The following AMOTL2 variants were observed in gnomAD, a reference collection of about 807,000 sequenced individuals.
The protein encoded by AMOTL2 is angiomotin-like protein 2.
A neutral mutation model predicts 78.4 loss-of-function variants in AMOTL2; 33 were observed. That is an observed-to-expected ratio of 0.42 (90% confidence interval 0.32 to 0.56). AMOTL2 has a LOEUF of 0.56. AMOTL2 is among the 20% of genes least tolerant of loss of function. The pLI is 0.12. For synonymous variants in AMOTL2, 422 were observed against 428.8 expected (o/e 0.98, Z 0.20); for missense variants, 983 against 1,030.1 (o/e 0.95, Z 0.63).
intron 6 of AMOTL2, among the ~76,000 whole-genome samples, chr3:134,360,647 A>G (rs1423036981): frequency 2.0e-5 from 3 of 152,232 alleles, no homozygotes; most frequent in African/African-American, 7.2e-5. Flanking sequence ...CAAACTGGCA[A>G]AGGGGGTGCT....
At chr3:134,366,623 G>A (rs1486290904) in intron 3 of AMOTL2, 196 bp from the exon 4 acceptor site, 3 of 557,950 alleles carry the variant, frequency 5.4e-6, no homozygotes, top group African/African-American at 3.8e-5. Flanking sequence ...GGACCAGCAA[G>A]CAACGGTCCC....
At position 134,370,817 on chromosome 3, in the gene AMOTL2, G is replaced by A. The variant is rs375201894; in HGVS notation, c.617C>T (p.Ser206Phe). 7.6e-6 allele frequency: 12 copies of A among 1,574,284 alleles called. No homozygotes were observed. In the African/African-American group the frequency reaches 1.1e-4, roughly 14 times the overall value. The change falls in exon 2 of 10, where the codon TCC (serine) becomes TTC (phenylalanine). Residue 206 changes from serine to phenylalanine, a missense_variant. Ser to Phe is a radical substitution (Grantham distance 155). Coordinates refer to ENST00000249883, the MANE Select transcript of AMOTL2 (RefSeq NM_016201.4). ...LRGPPAEGPESRGPPPQYPHV... is the reference protein window; with the variant it reads ...LRGPPAEGPEFRGPPPQYPHV... ...AGGGTACTGAGGTGGGGGTCCTCGG[G>A]ACTCTGGGCCCTCAGCAGGGGGGCC...
intron 4 of AMOTL2, 77 bp downstream of exon 4, chr3:134,366,206 C>A: frequency 6.5e-7 from 1 of 1,549,674 alleles, no homozygotes; most frequent in Non-Finnish European, 8.7e-7. Context: ...ATAGAGATTC[C>A]CAATTTTTCT....
Position 134,361,617 on chromosome 3 carries a change from C to T in AMOTL2, c.1470G>A (p.Gln490=). ...CTGCCTGCAGCTGCCCGAGCGCCTG[C>T]TGCAGCCGCTCCACTTTCTCCACAT... ...QAYVEKVERL[Q]QALGQLQAAC... is the part of the protein sequence containing the mutation. Residue 490 remains glutamine (Q), a synonymous_variant, in exon 6 of 10, where the codon CAG becomes CAA. Transcript: ENST00000249883. The T allele has an allele frequency of 6.2e-7, 1 of 1,613,014 alleles. No individual in the cohort carries two copies. Among genetic ancestry groups the T allele is most frequent in the Non-Finnish European group, 8.5e-7 (1 of 1,179,976 alleles).
At chr3:134,364,049 G>T (rs1576579494) in intron 5 of AMOTL2, among the ~76,000 whole-genome samples, 1 of 152,194 alleles carries the variant, frequency 6.6e-6, no homozygotes, top group African/African-American at 2.4e-5. Flanking sequence ...GAAGGCCAGC[G>T]GAGGAGGGCA....
intron 8 of AMOTL2, among the ~76,000 whole-genome samples, chr3:134,359,014 A>C (rs534205300): frequency 6.6e-6 from 1 of 152,278 alleles, no homozygotes; most frequent in South Asian, 2.1e-4. Flanking sequence ...GTGTATCTGC[A>C]CAGGAAGCTC....
chr3:134,359,054 A>G (rs1336663271), intron 8 of AMOTL2, among the ~76,000 whole-genome samples: 1 of 152,126 alleles, frequency 6.6e-6, no homozygotes, highest in Non-Finnish European at 1.5e-5. Flanking sequence ...GCTGGGGCTG[A>G]AGCATGATAG....
Position 134,360,250 on chromosome 3 carries a change from C to T in AMOTL2, c.1739G>A (p.Arg580Lys), listed in dbSNP as rs937594727. The change falls in exon 7 of 10, where the codon AGG becomes AAG. Residue 580 changes from arginine to lysine, a missense_variant. Arg to Lys is a conservative substitution (Grantham distance 26). Coordinates refer to ENST00000249883, the MANE Select transcript of AMOTL2 (RefSeq NM_016201.4). ...EQKYLEERAM[R>K]QFAMDAAATA... ...GGCAGCCGCATCCATGGCAAACTGC[C>T]TCATGGCACGTTCCTCCAAATACTT... 2 of 1,614,234 alleles carry T rather than the reference C, an allele frequency of 1.2e-6. No individual in the cohort carries two copies. Among genetic ancestry groups the T allele is most frequent in the Admixed American group, 1.7e-5 (1 of 60,032 alleles).
chr3:134,369,749 C>T (rs1314863940), intron 2 of AMOTL2, among the ~76,000 whole-genome samples: 1 of 152,214 alleles, frequency 6.6e-6, no homozygotes, highest in Non-Finnish European at 1.5e-5. Context: ...GAGGAAGAGT[C>T]TGAAATCCTT....
At chr3:134,360,533 C>A in intron 6 of AMOTL2, 120 bp from the exon 7 acceptor site, 1 of 862,632 alleles carries the variant, frequency 1.2e-6, no homozygotes, top group Non-Finnish European at 1.8e-6. Flanking sequence ...ACACAGCATA[C>A]ATTTCCCCAT....
chr3:134,366,474 G>C, intron 3 of AMOTL2, 47 bp from the exon 4 acceptor site: 1 of 1,580,484 alleles, frequency 6.3e-7, no homozygotes. Flanking sequence ...GAGCTCCCAG[G>C]GAGTGATTCG....
upstream of AMOTL2, chr3:134,374,960 A>G (rs1386364213): frequency 7.3e-7 from 1 of 1,364,322 alleles, no homozygotes; most frequent in Non-Finnish European, 9.5e-7. Context: ...TGGGAAAGGG[A>G]GGAGGGACTG....
At chr3:134,360,871 G>A (rs900313371) in intron 6 of AMOTL2, among the ~76,000 whole-genome samples, 2 of 152,216 alleles carry the variant, frequency 1.3e-5, no homozygotes, top group African/African-American at 2.4e-5. Flanking sequence ...ATCTTGGGGA[G>A]GCATATAAAA....
chr3:134,370,731 C>A lies in AMOTL2; in HGVS notation c.703G>T (p.Gly235Cys). 1 of 1,511,504 alleles carries A rather than the reference C, an allele frequency of 6.6e-7. No homozygotes were observed. The highest frequency in any genetic ancestry group is 8.8e-7 in the Non-Finnish European group (1 of 1,130,060). The allele number at this position is 1,511,504 out of a possible 1,614,324, so 93.6% of individuals were successfully genotyped here. The part of the protein sequence containing the change: ...AVTDPRYRAR[G>C]SPHFQHAEVR... ...TCAGCATGCTGGAAGTGCGGGCTGC[C>A]GCGGGCACGGTACCGTGGGTCAGTG... Residue 235 changes from glycine to cysteine, a missense_variant, in exon 2 of 10, where the codon GGC (glycine) becomes TGC (cysteine). By Grantham distance (159) the Gly-to-Cys change is radical (BLOSUM62 -3). Transcript: ENST00000249883.
chr3:134,370,129 C>T lies in AMOTL2; in HGVS notation c.734+571G>A, dbSNP rs888552209. 7.2e-5 allele frequency among the ~76,000 whole-genome samples: 11 copies of T among 152,324 alleles called. No individual in the cohort carries two copies. The South Asian group carries it at 2.3e-3, about 32-fold the overall frequency. On this transcript the variant is annotated intron_variant, in intron 2 of 9. Transcript: ENST00000249883. ...CACTTGGACCCAGAATCCTTTCCCA[C>T]TGCAGGCTGCAGACGCAGGGAGCAT...
At position 134,357,547 on chromosome 3, in the gene AMOTL2, C is replaced by CCT. The variant is rs557272594; in HGVS notation, c.*156_*157dup. 1,088 of 754,596 alleles carry CCT rather than the reference C, an allele frequency of 1.4e-3. 2 individuals carry two copies. The highest frequency in any genetic ancestry group is 1.8e-3 in the Non-Finnish European group (758 of 428,500). The allele number at this position is 754,596 out of a possible 1,614,324, so 46.7% of individuals were successfully genotyped here. On this transcript the variant is annotated 3_prime_UTR_variant, in exon 10 of 10. Transcript: ENST00000249883. ...TCACAGCTCTCCTCTCCCCTGGGGT[C>CCT]CTCCTCCTGAGCTCCTGGGACCAGA...
Position 134,360,178 on chromosome 3 carries a change from TG to T in AMOTL2, c.1810del (p.Gln604SerfsTer26). The T allele has an allele frequency of 1.2e-6, 2 of 1,614,012 alleles. No homozygotes were observed. The highest frequency in any genetic ancestry group is 1.7e-6 in the Non-Finnish European group (2 of 1,179,952). ...RDTTLIRHSP[Q>X]PSPSSSFNEG... ...ATTGAAGCTGCTGCTGGGTGAGGGC[TG>T]GGGGGAATGTCGGATGAGAGTGGTG... On this transcript the variant is annotated frameshift_variant, in exon 7 of 10. Transcript: ENST00000249883. LOFTEE classifies it high-confidence loss of function.
At chr3:134,369,223 T>C (rs1385517327) in intron 2 of AMOTL2, among the ~76,000 whole-genome samples, 1 of 151,988 alleles carries the variant, frequency 6.6e-6, no homozygotes, top group Non-Finnish European at 1.5e-5. Context: ...CCCACTGGAG[T>C]GCTCAAACTC....
At chr3:134,369,503 C>G (rs1173798927) in intron 2 of AMOTL2, among the ~76,000 whole-genome samples, 2 of 152,202 alleles carry the variant, frequency 1.3e-5, no homozygotes, top group Admixed American at 6.5e-5. Context: ...GAAGAAACCA[C>G]CACTCAGCTT....
Sources: gnomAD v4.1 joint callset for allele counts (sites outside exome capture counted in the v4.1 genomes callset) on GRCh38, gnomAD v4.1.1 for gene constraint, MANE v1.5 for transcripts, NCBI Gene and HGNC (gene_info 2026-07-23, HGNC 2026-07-21) for gene names.